The following KIF9 variants were observed in gnomAD, a reference collection of about 807,000 sequenced individuals.
The protein encoded by KIF9 is kinesin-like protein KIF9.
A neutral mutation model predicts 94.8 loss-of-function variants in KIF9; 68 were observed. The observed-to-expected ratio is 0.72, with a 90% confidence interval of 0.59 to 0.88. The LOEUF is 0.88. KIF9 is among the 40% of genes least tolerant of loss of function. The probability of loss-of-function intolerance (pLI) is 0.00; values close to 1 mark genes in which losing one functional copy is unlikely to be tolerated. For missense variants in KIF9, 882 were observed against 982.5 expected (o/e 0.90, Z 1.37); for synonymous variants, 343 against 362.1 (o/e 0.95, Z 0.60).
intron 10 of KIF9, among the ~76,000 whole-genome samples, chr3:47,253,517 A>G (rs1297875951): frequency 6.6e-6 from 1 of 151,508 alleles, no homozygotes; most frequent in African/African-American, 2.4e-5. Context: ...TCTGCATACC[A>G]TGCTACAAAT....
At chr3:47,230,244 C>T (rs1698458976) in intron 20 of KIF9, among the ~76,000 whole-genome samples, 1 of 150,068 alleles carries the variant, frequency 6.7e-6, no homozygotes, top group Non-Finnish European at 1.5e-5. Context: ...TGTCACTGCA[C>T]TCCCTCCAGC....
At chr3:47,232,797 A>G (rs1193956569) in intron 20 of KIF9, among the ~76,000 whole-genome samples, 1 of 151,144 alleles carries the variant, frequency 6.6e-6, no homozygotes, top group Non-Finnish European at 1.5e-5. Flanking sequence ...CCTAGCTAAC[A>G]CGGTGAAACC....
At position 47,275,481 on chromosome 3, in the gene KIF9, T is replaced by C. The variant is rs1238878308; in HGVS notation, c.103A>G (p.Ile35Val). The C allele has an allele frequency of 1.2e-6, 2 of 1,604,228 alleles. No homozygotes were observed. The highest frequency in any genetic ancestry group is 1.1e-5 in the South Asian group (1 of 88,756). The change falls in exon 3 of 21, where the codon ATT becomes GTT. Residue 35 changes from isoleucine to valine, a missense_variant. Ile to Val is a conservative substitution (Grantham distance 29). Transcript: ENST00000684063. The part of the protein sequence containing the change: ...RYGDDKRSID[I>V]HLKKDIRRGV... ...CTCCGAATGTCTTTTTTTAAGTGAA[T>C]ATCAATGCTCTAGGAAAAAAGAGTG...
chr3:47,261,442 G>C lies in KIF9; in HGVS notation c.981+2844C>G, dbSNP rs574951136. ...GCCATGCCTCATTGCTTGGATGTTA[G>C]CTGAGGGGTGGAGAGCTCCTCCTTG... On this transcript the variant is annotated intron_variant, in intron 9 of 20. Transcript: ENST00000684063. Among the ~76,000 whole-genome samples the C allele has an allele frequency of 2.6e-5, 4 of 152,288 alleles. No homozygotes were observed. The South Asian group carries it at 8.3e-4, about 32-fold the overall frequency.
rs762918537 is a variant in KIF9, at chr3:47,235,545, AG to A, written c.2289del (p.Phe764SerfsTer8). Reference protein sequence around the residue: ...RVLPEGPDSISFYNAKVKIEQ... With the variant: ...RVLPEGPDSIXFYNAKVKIEQ... ...TCTATCTTGACTTTGGCATTGTAGA[AG>A]GAGATGGAATCAGGGCCCTCAGGAA... is the stretch of plus-strand genomic sequence containing the variant. On this transcript the variant is annotated frameshift_variant, in exon 20 of 21. Coordinates refer to ENST00000684063, the MANE Select transcript of KIF9 (RefSeq NM_182902.4). LOFTEE classifies it high-confidence loss of function. 1.2e-6 allele frequency: 2 copies of A among 1,614,046 alleles called. No homozygotes were observed. The highest frequency in any genetic ancestry group is 1.7e-6 in the Non-Finnish European group (2 of 1,179,922).
At chr3:47,247,972 C>T (rs748202647) in intron 11 of KIF9, 46 bp downstream of exon 11, 4 of 1,466,428 alleles carry the variant, frequency 2.7e-6, no homozygotes, top group Non-Finnish European at 2.9e-6. Context: ...CTAGTCACCC[C>T]CTACCCCAGC....
In KIF9 at chr3:47,260,784, G is replaced by A. The variant is rs563998862; in HGVS notation, c.982-3224C>T. On this transcript the variant is annotated intron_variant, in intron 9 of 20. Transcript: ENST00000684063. ...TCACAGCTGGGAGCAGGACCAATAG[G>A]AAACCCATCCTAGTGCCTGGGTGGG... Among the ~76,000 whole-genome samples, 85 of 152,324 alleles carry A rather than the reference G, an allele frequency of 5.6e-4. 1 individual carries two copies. The South Asian group carries it at 0.015, about 27-fold the overall frequency.
At chr3:47,251,983 G>A (rs1436715012) in intron 10 of KIF9, among the ~76,000 whole-genome samples, 1 of 152,166 alleles carries the variant, frequency 6.6e-6, no homozygotes, top group Non-Finnish European at 1.5e-5. Context: ...GCTTGTGGAA[G>A]AGGTGGATTA....
intron 3 of KIF9, 108 bp from the exon 4 acceptor site, chr3:47,273,766 C>G (rs569133580): frequency 1.1e-6 from 1 of 903,238 alleles, no homozygotes; most frequent in African/African-American, 1.6e-5. Context: ...ATGAAGATGG[C>G]CAGTGGGGGC....
intron 4 of KIF9, among the ~76,000 whole-genome samples, chr3:47,272,329 A>G (rs979337520): frequency 3.9e-5 from 6 of 152,236 alleles, no homozygotes; most frequent in African/African-American, 1.4e-4. Flanking sequence ...GCTGCTGAGT[A>G]TCTAAAATGT....
rs1312394245 is a variant in KIF9 at position 47,228,384 on chromosome 3, C to T, written c.*268G>A. The T allele has an allele frequency of 2.3e-6, 1 of 443,220 alleles. No individual in the cohort carries two copies. The highest frequency in any genetic ancestry group is 2.0e-5 in the African/African-American group (1 of 50,346). 27.5% of individuals were successfully genotyped at this position (443,220 alleles called of 1,614,324 possible). On this transcript the variant is annotated 3_prime_UTR_variant, in exon 21 of 21. Coordinates refer to ENST00000684063, the MANE Select transcript of KIF9 (RefSeq NM_182902.4). ...CAGACAGGAAATAAGACAAAGTTCT[C>T]AGATGAGCACTGAAAGTCCAAACTA... is the stretch of plus-strand genomic sequence containing the variant.
intron 20 of KIF9, among the ~76,000 whole-genome samples, chr3:47,230,404 C>G (rs1003958980): frequency 8.6e-5 from 13 of 152,010 alleles, no homozygotes; most frequent in South Asian, 4.2e-4. Context: ...ATAGGGAGAC[C>G]CAGTCTCTAT....
chr3:47,261,052 A>T (rs974049771), intron 9 of KIF9, among the ~76,000 whole-genome samples: 1 of 152,128 alleles, frequency 6.6e-6, no homozygotes, highest in African/African-American at 2.4e-5. Flanking sequence ...AGCAAGTGGT[A>T]GGTGTTTGGT....
At position 47,277,307 on chromosome 3, in the gene KIF9, A is replaced by T. The variant is rs1316380436; in HGVS notation, c.68T>A (p.Met23Lys). 1 of 1,613,912 alleles carries T rather than the reference A, an allele frequency of 6.2e-7. No homozygotes were observed. The highest frequency in any genetic ancestry group is 2.2e-5 in the East Asian group (1 of 44,892). ...TCTTTTGTCATCTCCGTATCTGATC[A>T]TTTCATGAGCAAAGTCATCGGTGGG... is the stretch of plus-strand genomic sequence containing the variant. Reference protein sequence around the residue: ...VKPTDDFAHEMIRYGDDKRSI... With the variant: ...VKPTDDFAHEKIRYGDDKRSI... Residue 23 changes from methionine (M) to lysine (K), a missense_variant, in exon 2 of 21, where the codon ATG becomes AAG. Physicochemically the swap from Met to Lys is moderately conservative, Grantham distance 95. Transcript: ENST00000684063.
chr3:47,234,748 G>C (rs552483448), intron 20 of KIF9, among the ~76,000 whole-genome samples: 20 of 149,616 alleles, frequency 1.3e-4, no homozygotes, highest in African/African-American at 4.7e-4. Context: ...TAGAGACAGG[G>C]TTTCATCATG....
At chr3:47,280,398 C>T (rs1416902343) in intron 1 of KIF9, among the ~76,000 whole-genome samples, 3 of 152,230 alleles carry the variant, frequency 2.0e-5, no homozygotes, top group African/African-American at 7.2e-5. Flanking sequence ...ACAAGAGTAG[C>T]ACAGGCCAGT....
intron 20 of KIF9, among the ~76,000 whole-genome samples, chr3:47,234,338 A>G (rs530380288): frequency 5.9e-5 from 9 of 151,834 alleles, no homozygotes; most frequent in Non-Finnish European, 1.0e-4. Context: ...GATTCCAGCA[A>G]TTGTCCTGCC....
intron 2 of KIF9, among the ~76,000 whole-genome samples, chr3:47,276,880 C>A (rs1702007229): frequency 6.6e-6 from 1 of 152,156 alleles, no homozygotes. Context: ...CTTTCCACTT[C>A]TCTTGATAAG....
intron 20 of KIF9, among the ~76,000 whole-genome samples, chr3:47,234,359 G>T (rs920696835): frequency 1.3e-5 from 2 of 151,338 alleles, no homozygotes; most frequent in African/African-American, 2.4e-5. Context: ...TCAGCCTCCC[G>T]AGTGGCTGGG....
Sources: allele counts gnomAD v4.1 joint callset (sites outside exome capture counted in the v4.1 genomes callset), GRCh38; gene constraint gnomAD v4.1.1; transcripts MANE v1.5; gene names NCBI Gene and HGNC (gene_info 2026-07-23, HGNC 2026-07-21).